Variants in THUMPD2 observed in about 807,000 individuals in gnomAD.
THUMPD2 encodes THUMP domain 2 tRNA and snRNA guanosine methyltransferase.
In THUMPD2, 56 loss-of-function variants were observed where a neutral mutation model predicts 49.4. That is an observed-to-expected ratio of 1.13 (90% confidence interval 0.91 to 1.41). The LOEUF is 1.41. THUMPD2 is among the 40% of genes most tolerant of loss of function. The pLI, the probability that THUMPD2 is intolerant of heterozygous loss-of-function variation, is 0.00. For missense variants in THUMPD2, 709 were observed against 594.5 expected, an observed-to-expected ratio of 1.19 and a Z score of -2.00; for synonymous variants, 237 against 205.2, an observed-to-expected ratio of 1.15 and a Z score of -1.32.
intron 2 of THUMPD2, 30 bp downstream of exon 2, chr2:39,771,471 GGGTA>G: frequency 6.4e-7 from 1 of 1,562,812 alleles, no homozygotes; most frequent in Non-Finnish European, 8.6e-7. Context: ...TGTATCATGT[GGGTA>G]AAAGCAACAT....
chr2:39,743,458 G>A (rs752912218), intron 9 of THUMPD2, among the ~76,000 whole-genome samples: 2 of 152,148 alleles, frequency 1.3e-5, no homozygotes, highest in South Asian at 2.1e-4. Context: ...GCTATAGTTT[G>A]GATGTTTGTC....
At chr2:39,756,379 C>T (rs558026026) in intron 6 of THUMPD2, among the ~76,000 whole-genome samples, 1 of 151,460 alleles carries the variant, frequency 6.6e-6, no homozygotes, top group South Asian at 2.1e-4. Context: ...GGAAGAGAGC[C>T]TGAGAATGGC....
At chr2:39,747,909 A>C (rs1429669415) in intron 8 of THUMPD2, among the ~76,000 whole-genome samples, 4 of 152,194 alleles carry the variant, frequency 2.6e-5, no homozygotes, top group Non-Finnish European at 5.9e-5. Context: ...ATTTCATTCC[A>C]TTCCATTCTA....
At chr2:39,770,182 C>A (rs1678122201) in intron 2 of THUMPD2, 63 bp from the exon 3 acceptor site, 2 of 1,139,962 alleles carry the variant, frequency 1.8e-6, no homozygotes, top group Non-Finnish European at 2.3e-6. Context: ...TTACAATCAT[C>A]ACCCTCAAAC....
At chr2:39,763,565 G>C (rs867611182) in intron 5 of THUMPD2, among the ~76,000 whole-genome samples, 49 of 152,022 alleles carry the variant, frequency 3.2e-4, no homozygotes, top group African/African-American at 1.4e-4. Flanking sequence ...GTTCAAATCA[G>C]AAATCTGAAA....
chr2:39,773,316 TG>T (rs1678585350), intron 1 of THUMPD2, among the ~76,000 whole-genome samples: 1 of 151,982 alleles, frequency 6.6e-6, no homozygotes, highest in Admixed American at 6.6e-5. Context: ...ACTAAGATTC[TG>T]GGGGAACGAA....
At chr2:39,739,977 T>C (rs1673686693) in intron 9 of THUMPD2, among the ~76,000 whole-genome samples, 1 of 152,038 alleles carries the variant, frequency 6.6e-6, no homozygotes, top group Admixed American at 6.6e-5. Flanking sequence ...GATGTAATAG[T>C]AGTAGTAGTA....
At chr2:39,759,482 G>A (rs932236331) in intron 6 of THUMPD2, among the ~76,000 whole-genome samples, 24 of 151,860 alleles carry the variant, frequency 1.6e-4, no homozygotes, top group African/African-American at 5.1e-4. Flanking sequence ...TTGCAAATGA[G>A]AAACTGAGGC....
chr2:39,738,502 T>C (rs1026632135), intron 9 of THUMPD2, among the ~76,000 whole-genome samples: 7 of 151,848 alleles, frequency 4.6e-5, no homozygotes, highest in South Asian at 2.1e-4. Context: ...GGGCAGAGGT[T>C]GCAGTGAGCT....
intron 1 of THUMPD2, among the ~76,000 whole-genome samples, chr2:39,774,982 T>C (rs1462630164): frequency 6.6e-6 from 1 of 152,144 alleles, no homozygotes; most frequent in Non-Finnish European, 1.5e-5. Context: ...ACACAAAGAT[T>C]AAAAGTTCAA....
chr2:39,737,133 TG>T (rs1466821605), intron 9 of THUMPD2, 74 bp from the exon 10 acceptor site: 5 of 1,353,688 alleles, frequency 3.7e-6, no homozygotes, highest in Non-Finnish European at 5.0e-6. Context: ...TCATTTAAAA[TG>T]GTTCATGTTT....
At chr2:39,752,726 G>T (rs958515015) in intron 8 of THUMPD2, among the ~76,000 whole-genome samples, 1 of 152,154 alleles carries the variant, frequency 6.6e-6, no homozygotes, top group African/African-American at 2.4e-5. Flanking sequence ...ATTTACAAAT[G>T]ATATAATATG....
At chr2:39,757,443 C>T in intron 6 of THUMPD2, 1 of 1,294,774 alleles carries the variant, frequency 7.7e-7, no homozygotes, top group Non-Finnish European at 1.0e-6. Flanking sequence ...GAGAATATCA[C>T]ACAAATCCCC....
chr2:39,736,531 C>CT lies in THUMPD2; in HGVS notation c.*203dup, dbSNP rs1673101483. ...CTTAAGTCTAAAAAATATTCGATAA[C>CT]TTTTTTCTCAAAAACATTAAGTACT... On this transcript the variant is annotated 3_prime_UTR_variant, in exon 10 of 10. Transcript: ENST00000505747. 2 of 435,848 alleles carry CT rather than the reference C, an allele frequency of 4.6e-6. No individual in the cohort carries two copies. The highest frequency in any genetic ancestry group is 3.9e-5 in the Admixed American group (1 of 25,424). The allele number at this position is 435,848 out of a possible 1,614,324, so 27.0% of individuals were successfully genotyped here.
chr2:39,769,053 A>C, intron 3 of THUMPD2: 1 of 1,304,594 alleles, frequency 7.7e-7, no homozygotes, highest in African/African-American at 1.5e-5. Flanking sequence ...CCTCATGTGC[A>C]TTTGCAGTCT....
intron 1 of THUMPD2, 35 bp downstream of exon 1, chr2:39,779,079 C>A: frequency 6.7e-7 from 1 of 1,484,968 alleles, no homozygotes; most frequent in Non-Finnish European, 8.9e-7. Flanking sequence ...GACAGGGCCG[C>A]CCACCTCCCC....
At chr2:39,744,684 A>C (rs1047624561) in intron 8 of THUMPD2, 2 of 348,440 alleles carry the variant, frequency 5.7e-6, no homozygotes, top group African/African-American at 4.3e-5. Flanking sequence ...CTGTTCGTTG[A>C]AAATTGGTTT....
At chr2:39,760,953 T>G (rs1316336082) in intron 6 of THUMPD2, among the ~76,000 whole-genome samples, 1 of 152,142 alleles carries the variant, frequency 6.6e-6, no homozygotes, top group Admixed American at 6.6e-5. Context: ...GAACATTTCT[T>G]CACTAGAAGA....
rs1033815160 is a variant in THUMPD2, at chr2:39,779,189, T to C, written c.51A>G (p.Arg17=). 37 of 1,518,088 alleles carry C rather than the reference T, an allele frequency of 2.4e-5. No homozygotes were observed. The highest frequency in any genetic ancestry group is 6.1e-5 in the Admixed American group (3 of 48,912). 94.0% of individuals were successfully genotyped at this position (1,518,088 alleles called of 1,614,324 possible). A position where few individuals can be genotyped will look rare whatever the true frequency, so the allele number is the denominator to read the frequency against. ...GGCCGCGACCCGCAGTGCAGAAGAA[T>C]CGGGCGCCAGCCTCAGGCCCGGACC... The part of the protein sequence containing the change: ...EPGSGPEAGA[R]FFCTAGRGLE... Residue 17 remains arginine (R), a synonymous_variant, in exon 1 of 10, where the codon CGA becomes CGG. Transcript: ENST00000505747.
Sources: gnomAD v4.1 joint callset for allele counts (sites outside exome capture counted in the v4.1 genomes callset) on GRCh38, gnomAD v4.1.1 for gene constraint, MANE v1.5 for transcripts, NCBI Gene and HGNC (gene_info 2026-07-23, HGNC 2026-07-21) for gene names.